The following RAPGEF2 variants were observed in gnomAD, a reference collection of about 807,000 sequenced individuals.
RAPGEF2 encodes the protein Rap guanine nucleotide exchange factor 2, also known as PDZ domain containing guanine nucleotide exchange factor (GEF) 1.
RAPGEF2 carries 54 observed loss-of-function variants against 186.7 expected under a neutral mutation model. The observed-to-expected ratio is 0.29, with a 90% CI of 0.23 to 0.36. The LOEUF (loss-of-function observed/expected upper bound fraction) is 0.36, where lower values mean the gene tolerates loss of function less well. RAPGEF2 is among the 10% of genes least tolerant of loss of function. The pLI, the probability that RAPGEF2 is intolerant of heterozygous loss-of-function variation, is 1.00. For synonymous variants in RAPGEF2, 712 were observed against 705.9 expected, an observed-to-expected ratio of 1.01 and a Z score of -0.14; for missense variants, 1,532 against 2,045.0, an observed-to-expected ratio of 0.75 and a Z score of 4.84.
At position 159,196,058 on chromosome 4, in the gene RAPGEF2, G is replaced by A. The variant is rs76799090; in HGVS notation, c.197+2802G>A. On this transcript the variant is annotated intron_variant, in intron 3 of 29. Transcript: ENST00000691494. ...TGACTAGTTAGAAGTAGGTGACAGT[G>A]TTAGTAAGTGATGAAAAGTCTTTGG... 9.9e-3 allele frequency among the ~76,000 whole-genome samples: 1,499 copies of A among 152,062 alleles called. 20 individuals carry two copies. The highest frequency in any genetic ancestry group is 0.034 in the African/African-American group (1,423 of 41,486).
At chr4:159,113,176 G>A (rs1289819698) in intron 1 of RAPGEF2, among the ~76,000 whole-genome samples, 1 of 152,170 alleles carries the variant, frequency 6.6e-6, no homozygotes, top group Non-Finnish European at 1.5e-5. Flanking sequence ...CAAATGTAAT[G>A]TAGGATTCTG....
At position 159,179,402 on chromosome 4, in the gene RAPGEF2, A is replaced by AT. The variant is rs148032908; in HGVS notation, c.70-7239dup. Among the ~76,000 whole-genome samples, 1,316 of 152,288 alleles carry AT rather than the reference A, an allele frequency of 8.6e-3. 16 individuals carry two copies. The highest frequency in any genetic ancestry group is 0.031 in the African/African-American group (1,268 of 41,534). On this transcript the variant is annotated intron_variant, in intron 1 of 29. Transcript: ENST00000691494. ...TGTTGGTTGAAATTTCCTTCTATGA[A>AT]TGTTTCTTGTTTGCATAGAGAAAAA...
At chr4:159,177,108 A>G (rs1471469435) in intron 1 of RAPGEF2, among the ~76,000 whole-genome samples, 1 of 152,184 alleles carries the variant, frequency 6.6e-6, no homozygotes, top group East Asian at 1.9e-4. Flanking sequence ...AACAGATGTG[A>G]TAAAATATAT....
chr4:159,163,609 G>A (rs1744952085), intron 1 of RAPGEF2, among the ~76,000 whole-genome samples: 2 of 152,114 alleles, frequency 1.3e-5, no homozygotes, highest in Admixed American at 1.3e-4. Flanking sequence ...GAATACAGTG[G>A]AACTGTCTAA....
At chr4:159,330,281 G>GTA (rs1398765094) in intron 12 of RAPGEF2, 53 bp from the exon 13 acceptor site, 4 of 857,682 alleles carry the variant, frequency 4.7e-6, no homozygotes, top group East Asian at 4.8e-5. Flanking sequence ...GTGTGTGTGT[G>GTA]TGTGTGTGTG....
At chr4:159,299,613 G>A (rs1174735976) in intron 7 of RAPGEF2, among the ~76,000 whole-genome samples, 1 of 151,646 alleles carries the variant, frequency 6.6e-6, no homozygotes, top group African/African-American at 2.4e-5. Flanking sequence ...ACCAATTTTA[G>A]GTATTTTACC....
chr4:159,111,648 A>G (rs914846881), intron 1 of RAPGEF2, among the ~76,000 whole-genome samples: 1 of 152,218 alleles, frequency 6.6e-6, no homozygotes, highest in Non-Finnish European at 1.5e-5. Context: ...TGAGAGGTTT[A>G]TGGTACTATG....
At chr4:159,280,147 T>C (rs1360858257) in intron 7 of RAPGEF2, among the ~76,000 whole-genome samples, 3 of 152,206 alleles carry the variant, frequency 2.0e-5, no homozygotes, top group Admixed American at 6.5e-5. Context: ...TTGGGTGATA[T>C]GATTGCTCTC....
chr4:159,240,349 T>TTTTTC (rs1753824186), intron 5 of RAPGEF2, among the ~76,000 whole-genome samples: 2 of 146,912 alleles, frequency 1.4e-5, no homozygotes, highest in Admixed American at 1.4e-4. Flanking sequence ...TTTTTTTTTT[T>TTTTTC]TGGAGACGGA....
chr4:159,239,210 C>T (rs992483217), intron 5 of RAPGEF2, among the ~76,000 whole-genome samples: 1 of 152,002 alleles, frequency 6.6e-6, no homozygotes, highest in African/African-American at 2.4e-5. Flanking sequence ...AGGATTTTAG[C>T]TCTCCAAGTG....
intron 4 of RAPGEF2, among the ~76,000 whole-genome samples, chr4:159,219,557 G>A (rs976569333): frequency 2.6e-5 from 4 of 151,892 alleles, no homozygotes; most frequent in East Asian, 1.9e-4. Flanking sequence ...GGGTTTCACC[G>A]TGTTAGCCAG....
At chr4:159,107,971 GT>G (rs1263482412) in intron 1 of RAPGEF2, among the ~76,000 whole-genome samples, 1 of 152,012 alleles carries the variant, frequency 6.6e-6, no homozygotes, top group African/African-American at 2.4e-5. Context: ...TTCTTAAATA[GT>G]TTTTGTTCAT....
chr4:159,195,590 A>G (rs150555239), intron 3 of RAPGEF2, among the ~76,000 whole-genome samples: 175 of 152,326 alleles, frequency 1.1e-3, no homozygotes, highest in Non-Finnish European at 1.6e-3. Context: ...CCAAGCTCCC[A>G]CTGCCTAATG....
intron 1 of RAPGEF2, among the ~76,000 whole-genome samples, chr4:159,163,559 A>G (rs1744947811): frequency 6.6e-6 from 1 of 152,242 alleles, no homozygotes; most frequent in Admixed American, 6.5e-5. Flanking sequence ...ATGTGCAAAA[A>G]TAAAAGATCT....
intron 1 of RAPGEF2, among the ~76,000 whole-genome samples, chr4:159,167,045 A>C (rs1167640990): frequency 6.6e-6 from 1 of 152,200 alleles, no homozygotes; most frequent in Non-Finnish European, 1.5e-5. Flanking sequence ...GAAAGAAGAG[A>C]AGGCCCCGAA....
At chr4:159,181,449 T>G (rs1746997781) in intron 1 of RAPGEF2, among the ~76,000 whole-genome samples, 1 of 152,214 alleles carries the variant, frequency 6.6e-6, no homozygotes, top group Non-Finnish European at 1.5e-5. Context: ...TTTGCTTAGA[T>G]AAAATCAGTT....
chr4:159,303,604 GA>G (rs1762937020), intron 7 of RAPGEF2, among the ~76,000 whole-genome samples: 1 of 151,118 alleles, frequency 6.6e-6, no homozygotes, highest in African/African-American at 2.4e-5. Flanking sequence ...CATAATAAGA[GA>G]AAAGGGGCTC....
intron 19 of RAPGEF2, 145 bp downstream of exon 19, chr4:159,339,499 T>C (rs1561310237): frequency 8.9e-7 from 1 of 1,118,588 alleles, no homozygotes; most frequent in East Asian, 2.4e-5. Flanking sequence ...TTTTTTTCCT[T>C]TCACCAAGAA....
chr4:159,262,163 G>A (rs1026455287), intron 7 of RAPGEF2, among the ~76,000 whole-genome samples: 7 of 152,292 alleles, frequency 4.6e-5, no homozygotes, highest in Middle Eastern at 3.4e-3. Context: ...AAGTACTAGG[G>A]ATAAAGCACA....
Sources: gnomAD v4.1 joint callset for allele counts (sites outside exome capture counted in the v4.1 genomes callset) on GRCh38, gnomAD v4.1.1 for gene constraint, MANE v1.5 for transcripts, NCBI Gene and HGNC (gene_info 2026-07-23, HGNC 2026-07-21) for gene names.